Variants in PPP2R2B observed in about 807,000 individuals in gnomAD.
The protein encoded by PPP2R2B is serine/threonine-protein phosphatase 2A 55 kDa regulatory subunit B beta isoform.
A neutral mutation model predicts 46.0 loss-of-function variants in PPP2R2B; 5 were observed. The ratio of observed to expected loss-of-function variants is 0.11; its 90% CI spans 0.06 to 0.23. The LOEUF is 0.23. Among genes scored for constraint, PPP2R2B ranks in the 10% least tolerant of loss-of-function variants. The probability of loss-of-function intolerance (pLI) is 1.00; values close to 1 mark genes in which losing one functional copy is unlikely to be tolerated. For missense variants in PPP2R2B, 367 were observed against 575.0 expected, an observed-to-expected ratio of 0.64 and a Z score of 3.70; for synonymous variants, 215 against 206.7, an observed-to-expected ratio of 1.04 and a Z score of -0.34.
chr5:146,905,173 G>A (rs1762957461), intron 1 of PPP2R2B, among the ~76,000 whole-genome samples: 2 of 152,056 alleles, frequency 1.3e-5, no homozygotes, highest in South Asian at 2.1e-4. Flanking sequence ...TGGAGCAATT[G>A]GGACTCTCAT....
At chr5:146,697,897 A>G in intron 4 of PPP2R2B, 82 bp downstream of exon 4, 1 of 1,378,124 alleles carries the variant, frequency 7.3e-7, no homozygotes, top group Non-Finnish European at 9.9e-7. Flanking sequence ...CACAGTTCAA[A>G]GGAAATTGAG....
intron 7 of PPP2R2B, among the ~76,000 whole-genome samples, chr5:146,628,702 G>A (rs1329977948): frequency 6.6e-6 from 1 of 152,194 alleles, no homozygotes; most frequent in African/African-American, 2.4e-5. Context: ...AAGATTGATT[G>A]CATTCAGCAA....
intron 2 of PPP2R2B, among the ~76,000 whole-genome samples, chr5:146,720,822 A>G (rs1463176350): frequency 6.6e-6 from 1 of 152,184 alleles, no homozygotes; most frequent in Non-Finnish European, 1.5e-5. Context: ...AGTGTGGAGT[A>G]AAGAAGACTT....
intron 7 of PPP2R2B, among the ~76,000 whole-genome samples, chr5:146,637,141 T>A (rs1414630557): frequency 1.3e-5 from 2 of 152,210 alleles, no homozygotes. Flanking sequence ...ATTCCTTGAG[T>A]ATAGGAGATA....
At chr5:146,900,986 T>C (rs1582389374) in intron 1 of PPP2R2B, among the ~76,000 whole-genome samples, 1 of 152,216 alleles carries the variant, frequency 6.6e-6, no homozygotes, top group Admixed American at 6.5e-5. Flanking sequence ...GGCTGCATAG[T>C]ATTCCATGGT....
intron 1 of PPP2R2B, among the ~76,000 whole-genome samples, chr5:146,912,697 C>T (rs1246665612): frequency 1.3e-5 from 2 of 151,648 alleles, no homozygotes; most frequent in Admixed American, 1.3e-4. Flanking sequence ...TTAGTAGAGA[C>T]GGGGTTTCAC....
intron 1 of PPP2R2B, among the ~76,000 whole-genome samples, chr5:146,915,526 C>A (rs1373500972): frequency 1.3e-5 from 2 of 151,994 alleles, no homozygotes; most frequent in African/African-American, 4.8e-5. Context: ...TCCTTCATAA[C>A]AATTGCCACT....
intron 3 of PPP2R2B, among the ~76,000 whole-genome samples, chr5:146,700,407 T>C (rs957483712): frequency 3.3e-5 from 5 of 152,106 alleles, no homozygotes; most frequent in Non-Finnish European, 5.9e-5. Flanking sequence ...AAACAATTCC[T>C]AGTGAAACCC....
At chr5:146,709,172 G>C (rs1262756180) in intron 2 of PPP2R2B, among the ~76,000 whole-genome samples, 1 of 152,162 alleles carries the variant, frequency 6.6e-6, no homozygotes, top group Non-Finnish European at 1.5e-5. Context: ...TCAACCTGGT[G>C]CTGGTTTACC....
chr5:146,705,359 A>G (rs990380037), intron 2 of PPP2R2B, among the ~76,000 whole-genome samples: 3 of 152,138 alleles, frequency 2.0e-5, no homozygotes, highest in African/African-American at 7.2e-5. Flanking sequence ...TAATGGTGAA[A>G]TGATCATAGT....
intron 2 of PPP2R2B, among the ~76,000 whole-genome samples, chr5:146,724,637 T>A (rs1263821539): frequency 6.6e-6 from 1 of 152,098 alleles, no homozygotes; most frequent in African/African-American, 2.4e-5. Context: ...ACAGAGTGAA[T>A]CTAATCTGTA....
At position 146,584,067 on chromosome 5, in the gene PPP2R2B, C is replaced by T. The variant is rs982101572; in HGVS notation, c.*5880G>A. 3 of 152,346 alleles carry T rather than the reference C, an allele frequency of 2.0e-5. No homozygotes were observed. The highest frequency in any genetic ancestry group is 7.2e-5 in the African/African-American group (3 of 41,442). 9.4% of individuals were successfully genotyped at this position (152,346 alleles called of 1,614,324 possible). On this transcript the variant is annotated 3_prime_UTR_variant, in exon 10 of 10. Coordinates refer to ENST00000394411, the MANE Select transcript of PPP2R2B (RefSeq NM_181675.4). The stretch of plus-strand genomic sequence containing the variant: ...AGCTGTTCAGTGGGCACTGTTCACC[C>T]AGGAAAACCCAGGTTGACTTTTTGG...
At chr5:147,012,376 G>A (rs1034199666) in intron 1 of PPP2R2B, among the ~76,000 whole-genome samples, 11 of 151,974 alleles carry the variant, frequency 7.2e-5, no homozygotes, top group South Asian at 2.1e-4. Flanking sequence ...AGAGGTGTTT[G>A]TAGTATTCTC....
At chr5:146,956,447 T>A (rs1323200810) in intron 1 of PPP2R2B, among the ~76,000 whole-genome samples, 1 of 152,156 alleles carries the variant, frequency 6.6e-6, no homozygotes, top group African/African-American at 2.4e-5. Flanking sequence ...CCACTTTTGT[T>A]TCACCAAAGA....
chr5:146,669,654 T>C (rs1249835975), intron 5 of PPP2R2B, among the ~76,000 whole-genome samples: 1 of 152,150 alleles, frequency 6.6e-6, no homozygotes, highest in Non-Finnish European at 1.5e-5. Flanking sequence ...TAATGACCCT[T>C]TAAAAAGTGC....
intron 2 of PPP2R2B, among the ~76,000 whole-genome samples, chr5:146,813,038 A>G (rs1757722889): frequency 1.3e-5 from 2 of 150,264 alleles, no homozygotes; most frequent in South Asian, 4.2e-4. Context: ...AGATAGAGCA[A>G]GTAATTTGCC....
chr5:147,069,215 A>G (rs1356236770), intron 2 of PPP2R2B, among the ~76,000 whole-genome samples: 1 of 152,216 alleles, frequency 6.6e-6, no homozygotes, highest in Non-Finnish European at 1.5e-5. Context: ...ACTTCAGACC[A>G]CAGACAGCAT....
intron 2 of PPP2R2B, among the ~76,000 whole-genome samples, chr5:146,753,106 G>C (rs1462071086): frequency 6.6e-6 from 1 of 152,198 alleles, no homozygotes; most frequent in Admixed American, 6.5e-5. Context: ...CTGGGGCTTA[G>C]CTGGGTTCAG....
chr5:146,830,737 G>T (rs952120150), intron 2 of PPP2R2B, among the ~76,000 whole-genome samples: 4 of 152,140 alleles, frequency 2.6e-5, no homozygotes, highest in Non-Finnish European at 5.9e-5. Context: ...CTCCCAAAGT[G>T]CTAGGATTGC....
Sources: allele counts gnomAD v4.1 joint callset (sites outside exome capture counted in the v4.1 genomes callset), GRCh38; gene constraint gnomAD v4.1.1; transcripts MANE v1.5; gene names NCBI Gene and HGNC (gene_info 2026-07-23, HGNC 2026-07-21).